MICAL1: variants seen among roughly 807,000 people sequenced by gnomAD.
MICAL1 encodes the protein microtubule associated monooxygenase, calponin and LIM domain containing 1.
Under a neutral mutation model 131.8 loss-of-function variants are expected in MICAL1, and 95 were observed. The ratio of observed to expected loss-of-function variants is 0.72; its 90% CI spans 0.61 to 0.86. The LOEUF (loss-of-function observed/expected upper bound fraction) is 0.86. Ranked by LOEUF, MICAL1 falls within the 40% of genes least tolerant of loss-of-function variation. The pLI is 0.00. For missense variants in MICAL1, 1,292 were observed against 1,380.6 expected, an observed-to-expected ratio of 0.94 and a Z score of 1.02; for synonymous variants, 546 against 554.2, an observed-to-expected ratio of 0.99 and a Z score of 0.21.
rs758415389 is a variant in MICAL1 at position 109,452,242 on chromosome 6, T to C, written c.832+4A>G. 3.7e-6 allele frequency: 6 copies of C among 1,612,062 alleles called. No individual in the cohort carries two copies. In the Admixed American group the frequency reaches 1.0e-4, roughly 27 times the overall value. On this transcript the variant is annotated splice_donor_region_variant and intron_variant, in intron 6 of 24. Coordinates refer to ENST00000358807, the MANE Select transcript of MICAL1 (RefSeq NM_022765.4). ...AGGGGAAATTCAGCAAGAGGGTCCC[T>C]GACCTGTGGCTTTGAGAAGGCTCTG...
At position 109,455,198 on chromosome 6, in the gene MICAL1, G is replaced by C. The variant is rs1015319355; in HGVS notation, c.-44+521C>G. Among the ~76,000 whole-genome samples the C allele has an allele frequency of 1.3e-5, 2 of 152,200 alleles. No individual in the cohort carries two copies. Among genetic ancestry groups the C allele is most frequent in the African/African-American group, 2.4e-5 (1 of 41,442 alleles). ...AGGTATCAGAGGGTATGGAGGAGGC[G>C]GGTGTCCACGGCAGCGTTAGGGAGG... On this transcript the variant is annotated intron_variant, in intron 1 of 24. Coordinates refer to ENST00000358807, the MANE Select transcript of MICAL1 (RefSeq NM_022765.4). This position sits in a 1 kb window ranked among gnomAD's most constrained non-coding sequence, Gnocchi z 4.7.
At chr6:109,449,525 G>A (rs1562290319) in intron 10 of MICAL1, 44 bp from the exon 11 acceptor site, 8 of 1,611,662 alleles carry the variant, frequency 5.0e-6, no homozygotes, top group Non-Finnish European at 6.8e-6. Context: ...TGGCCACACA[G>A]CCCCTGAGTC....
intron 1 of MICAL1, chr6:109,454,959 C>G (rs988446351): frequency 6.6e-6 from 1 of 152,300 alleles, no homozygotes; most frequent in Non-Finnish European, 1.5e-5. Flanking sequence ...TGAATGTGCC[C>G]TACTCCAGGG....
intron 24 of MICAL1, 128 bp from the exon 25 acceptor site, chr6:109,444,467 G>T: frequency 7.4e-7 from 1 of 1,344,442 alleles, no homozygotes; most frequent in Non-Finnish European, 1.0e-6. Flanking sequence ...AATTAGGAGG[G>T]TTGCCAACAC....
chr6:109,462,797 T>C (rs973769717), intron 1 of MICAL1: 1 of 152,162 alleles, frequency 6.6e-6, no homozygotes, highest in Non-Finnish European at 1.5e-5. Context: ...CAAAACGAGG[T>C]GTTTCAGGAG....
At chr6:109,462,913 C>T (rs927340055) in intron 1 of MICAL1, 1 of 152,220 alleles carries the variant, frequency 6.6e-6, no homozygotes, top group Non-Finnish European at 1.5e-5. Context: ...TGAAACACTG[C>T]ACTAGCAACA....
chr6:109,464,901 C>T (rs538326322), intron 1 of MICAL1: 1 of 152,182 alleles, frequency 6.6e-6, no homozygotes, highest in Non-Finnish European at 1.5e-5. Flanking sequence ...AGAAAGTTAT[C>T]AGACACAACA....
chr6:109,450,346 T>C lies in MICAL1; in HGVS notation c.1145A>G (p.His382Arg), dbSNP rs774278203. The stretch of plus-strand genomic sequence containing the variant: ...CAGTCCCAGCAGCAGGCGGGCGCCA[T>C]GCTTCTCTTGCACACGAGCAGAACT... ...AESSARVQEK[H>R]GARLLLGLVG... Residue 382 changes from histidine to arginine, a missense_variant, in exon 8 of 25, where the codon CAT becomes CGT. His to Arg is a conservative substitution (Grantham distance 29). Transcript: ENST00000358807. 3 of 1,610,590 alleles carry C rather than the reference T, an allele frequency of 1.9e-6. No homozygotes were observed. Among genetic ancestry groups the C allele is most frequent in the Admixed American group, 3.3e-5 (2 of 59,994 alleles).
chr6:109,452,307 C>T lies in MICAL1; in HGVS notation c.771G>A (p.Glu257=), dbSNP rs1477829718. 6.2e-7 allele frequency: 1 copy of T among 1,614,022 alleles called. No individual in the cohort carries two copies. Among genetic ancestry groups the T allele is most frequent in the Non-Finnish European group, 8.5e-7 (1 of 1,180,028 alleles). ...GRTVEETQVP[E]ISGVARIYNQ... is the part of the protein sequence containing the mutation. ...TGTAGATCCTGGCTACACCACTGAT[C>T]TCCGGCACCTGTGTCTCCTCCACGG... The change falls in exon 6 of 25, where the codon GAG becomes GAA. Residue 257 remains glutamate, a synonymous_variant. Coordinates refer to ENST00000358807, the MANE Select transcript of MICAL1 (RefSeq NM_022765.4).
intron 1 of MICAL1, among the ~76,000 whole-genome samples, chr6:109,460,905 A>G (rs1582661824): frequency 6.6e-6 from 1 of 152,196 alleles, no homozygotes; most frequent in Non-Finnish European, 1.5e-5. Context: ...GCTCCTGTTA[A>G]CTAAGACATT....
rs539543687 is a variant in MICAL1 at position 109,448,702 on chromosome 6, G to A, written c.1664+30C>T. The A allele has an allele frequency of 5.0e-6, 8 of 1,612,756 alleles. No individual in the cohort carries two copies. The East Asian group carries it at 1.8e-4, about 36-fold the overall frequency. ...ATGCTAACTCCTACACTGAGATCAT[G>A]AGAGAGAGGTGGGTCTGCCAGGGAC... is the stretch of plus-strand genomic sequence containing the variant. On this transcript the variant is annotated intron_variant, in intron 12 of 24. Coordinates refer to ENST00000358807, the MANE Select transcript of MICAL1 (RefSeq NM_022765.4).
At chr6:109,452,065 A>T in intron 6 of MICAL1, 181 bp downstream of exon 6, 1 of 1,414,298 alleles carries the variant, frequency 7.1e-7, no homozygotes, top group Non-Finnish European at 9.2e-7. Flanking sequence ...ATGCTGGGTG[A>T]TCAACTAGGG....
At position 109,447,390 on chromosome 6, in the gene MICAL1, A is replaced by C. The variant is rs1403520791; in HGVS notation, c.2037T>G (p.Gly679=). 4 of 1,613,246 alleles carry C rather than the reference A, an allele frequency of 2.5e-6. No individual in the cohort carries two copies. Among genetic ancestry groups the C allele is most frequent in the Non-Finnish European group, 3.4e-6 (4 of 1,179,810 alleles). The change falls in exon 16 of 25, where the codon GGT becomes GGG. Residue 679 remains glycine (G), a synonymous_variant. Coordinates refer to ENST00000358807, the MANE Select transcript of MICAL1 (RefSeq NM_022765.4). ...STEVPPDPEP[G]VPLTPPSQHQ... ...GTTGGGATGGGGGTGTCAGGGGTAC[A>C]CCAGGCTCTGGGTCAGGTGGCACCT...
At chr6:109,445,663 G>C in intron 20 of MICAL1, 108 bp downstream of exon 20, 1 of 1,497,948 alleles carries the variant, frequency 6.7e-7, no homozygotes, top group Non-Finnish European at 9.2e-7. Flanking sequence ...CCAGAGATAT[G>C]ACAGGCCAAG....
At chr6:109,447,331 G>T (rs371785721) in intron 16 of MICAL1, 26 bp downstream of exon 16, 6 of 1,613,290 alleles carry the variant, frequency 3.7e-6, no homozygotes, top group Non-Finnish European at 5.1e-6. Context: ...CCGGGCCTCT[G>T]CCTGCACACA....
At position 109,446,261 on chromosome 6, in the gene MICAL1, A is replaced by AG; in HGVS notation, c.2455dup (p.Leu819ProfsTer2). ...CATTTCCGGGTCAGGGGTAAGGTTA[A>AG]GGGAGGACAACCGCTGGCGCTCCGG... On this transcript the variant is annotated frameshift_variant, in exon 19 of 25. Transcript: ENST00000358807. LOFTEE classifies it high-confidence loss of function. 6.2e-7 allele frequency: 1 copy of AG among 1,613,634 alleles called. No individual in the cohort carries two copies. The highest frequency in any genetic ancestry group is 8.5e-7 in the Non-Finnish European group (1 of 1,179,816).
At chr6:109,460,754 T>C (rs1775867608), upstream of MICAL1, among the ~76,000 whole-genome samples, 1 of 152,160 alleles carries the variant, frequency 6.6e-6, no homozygotes, top group Admixed American at 6.5e-5. Flanking sequence ...CTTTCAATTC[T>C]TAAGAGTTTA....
rs997789363 is a variant in MICAL1 at position 109,451,780 on chromosome 6, C to T, written c.833-80G>A. The T allele has an allele frequency of 1.0e-5, 16 of 1,570,414 alleles. No individual in the cohort carries two copies. In the Admixed American group the frequency reaches 1.2e-4, roughly 12 times the overall value. ...CCCTAAACATCCCAACATGGCCTGACCTCTGAGCTGGGATCCCAGCTTAGG... is the reference window on the plus strand; with the variant it reads ...CCCTAAACATCCCAACATGGCCTGATCTCTGAGCTGGGATCCCAGCTTAGG... On this transcript the variant is annotated intron_variant, in intron 6 of 24. Coordinates refer to ENST00000358807, the MANE Select transcript of MICAL1 (RefSeq NM_022765.4).
intron 3 of MICAL1, 110 bp downstream of exon 3, chr6:109,453,528 G>C (rs971295769): frequency 2.9e-5 from 44 of 1,507,140 alleles, no homozygotes; most frequent in Non-Finnish European, 2.8e-5. Context: ...AGGTCACCTG[G>C]CTGATACGGA....
Sources: allele counts gnomAD v4.1 joint callset (sites outside exome capture counted in the v4.1 genomes callset), GRCh38; gene constraint gnomAD v4.1.1; non-coding constraint Gnocchi (gnomAD v3.1); transcripts MANE v1.5; gene names NCBI Gene and HGNC (gene_info 2026-07-23, HGNC 2026-07-21).